PCDH15: variants seen among roughly 807,000 people sequenced by gnomAD.
The protein encoded by PCDH15 is protocadherin related 15, also known as protocadherin-15.
Under a neutral mutation model 178.5 loss-of-function variants are expected in PCDH15, and 129 were observed. That is an observed-to-expected ratio of 0.72 (90% confidence interval 0.63 to 0.84). The LOEUF is 0.84. PCDH15 is among the 40% of genes least tolerant of loss of function. The pLI, the probability that PCDH15 is intolerant of heterozygous loss-of-function variation, is 0.00. For missense variants in PCDH15, 2,230 were observed against 2,099.9 expected, an observed-to-expected ratio of 1.06 and a Z score of -1.21; for synonymous variants, 800 against 732.0, an observed-to-expected ratio of 1.09 and a Z score of -1.50.
intron 3 of PCDH15, among the ~76,000 whole-genome samples, chr10:54,415,253 A>C (rs1303352768): frequency 6.6e-6 from 1 of 152,020 alleles, no homozygotes; most frequent in Admixed American, 6.6e-5. Context: ...AAAGGGGTTC[A>C]AACTGTGCAA....
intron 1 of PCDH15, among the ~76,000 whole-genome samples, chr10:54,754,852 G>A (rs986699246): frequency 1.3e-5 from 2 of 150,872 alleles, no homozygotes; most frequent in Non-Finnish European, 2.9e-5. Context: ...GTTCTTTCCA[G>A]ATTCAAGCTA....
At chr10:55,302,218 T>C (rs1275317788) in intron 1 of PCDH15, among the ~76,000 whole-genome samples, 1 of 141,654 alleles carries the variant, frequency 7.1e-6, no homozygotes, top group Non-Finnish European at 1.5e-5. Flanking sequence ...TATTCCACTC[T>C]ATGAAAAAAG....
intron 2 of PCDH15, among the ~76,000 whole-genome samples, chr10:54,962,938 A>C (rs1453140404): frequency 6.6e-6 from 1 of 152,224 alleles, no homozygotes; most frequent in Non-Finnish European, 1.5e-5. Context: ...ATCCTGTGAC[A>C]GAACTGAACT....
intron 2 of PCDH15, among the ~76,000 whole-genome samples, chr10:54,647,845 T>G (rs1021841770): frequency 2.0e-5 from 3 of 152,110 alleles, no homozygotes; most frequent in African/African-American, 7.2e-5. Context: ...ATCATATTCT[T>G]CCACAACTAG....
At chr10:55,537,605 T>C (rs1267000313) in intron 2 of PCDH15, among the ~76,000 whole-genome samples, 2 of 152,054 alleles carry the variant, frequency 1.3e-5, no homozygotes, top group Admixed American at 6.6e-5. Context: ...CTGGCTAATT[T>C]TTGTATTTTT....
At chr10:55,230,730 T>G (rs954523262) in intron 1 of PCDH15, among the ~76,000 whole-genome samples, 2 of 151,994 alleles carry the variant, frequency 1.3e-5, no homozygotes, top group East Asian at 3.9e-4. Flanking sequence ...AGTAGAAAAT[T>G]TTATGCTCGA....
chr10:54,209,858 T>C (rs2134067009), intron 10 of PCDH15, among the ~76,000 whole-genome samples: 1 of 152,234 alleles, frequency 6.6e-6, no homozygotes, highest in East Asian at 1.9e-4. Flanking sequence ...ATTACTCAAA[T>C]AGTGACTAAA....
At chr10:54,795,261 C>T (rs551011228) in intron 1 of PCDH15, among the ~76,000 whole-genome samples, 15 of 151,774 alleles carry the variant, frequency 9.9e-5, no homozygotes, top group Admixed American at 2.0e-4. Flanking sequence ...AAAATTCCTA[C>T]CGCCTCTCTC....
chr10:55,569,043 T>C (rs1191478225), intron 2 of PCDH15, among the ~76,000 whole-genome samples: 2 of 152,032 alleles, frequency 1.3e-5, no homozygotes, highest in Non-Finnish European at 2.9e-5. Context: ...ATGTCCTCCT[T>C]TGAAGAGGCA....
intron 2 of PCDH15, among the ~76,000 whole-genome samples, chr10:54,971,643 A>G (rs1838934189): frequency 2.0e-5 from 3 of 152,220 alleles, no homozygotes; most frequent in Non-Finnish European, 4.4e-5. Flanking sequence ...TTGGCAAGAC[A>G]CAGACACTCT....
intron 1 of PCDH15, among the ~76,000 whole-genome samples, chr10:54,752,610 T>A (rs544551170): frequency 1.3e-5 from 2 of 151,922 alleles, no homozygotes; most frequent in East Asian, 3.8e-4. Context: ...AATCCCTGCA[T>A]GAATATATTC....
At chr10:54,771,187 A>AC (rs1255772549) in intron 1 of PCDH15, among the ~76,000 whole-genome samples, 1 of 151,780 alleles carries the variant, frequency 6.6e-6, no homozygotes, top group African/African-American at 2.4e-5. Flanking sequence ...CTGCTTTAAT[A>AC]CCCCCAATAT....
At chr10:54,710,098 T>G (rs1468188472) in intron 1 of PCDH15, among the ~76,000 whole-genome samples, 2 of 151,892 alleles carry the variant, frequency 1.3e-5, no homozygotes, top group Non-Finnish European at 2.9e-5. Flanking sequence ...GTGTCCTGCA[T>G]AAATGTAGCA....
intron 8 of PCDH15, among the ~76,000 whole-genome samples, chr10:54,300,373 C>T (rs191034277): frequency 6.6e-6 from 1 of 152,258 alleles, no homozygotes; most frequent in African/African-American, 2.4e-5. Flanking sequence ...AATTTGTTTC[C>T]TCTAGGATCA....
chr10:55,613,017 A>ATTTTT (rs34403286), intron 2 of PCDH15, among the ~76,000 whole-genome samples: 9 of 82,384 alleles, frequency 1.1e-4, no homozygotes, highest in African/African-American at 1.4e-4. Context: ...TACTAGCCAG[A>ATTTTT]TTTTTTTTTT....
At chr10:54,929,724 G>A (rs1182928765) in intron 2 of PCDH15, among the ~76,000 whole-genome samples, 3 of 152,092 alleles carry the variant, frequency 2.0e-5, no homozygotes, top group Admixed American at 2.0e-4. Context: ...TGGCTTTTCT[G>A]GAAAATATTA....
chr10:55,336,181 C>A, intron 2 of PCDH15, among the ~76,000 whole-genome samples: 1 of 136,786 alleles, frequency 7.3e-6, no homozygotes. Context: ...TTCTCTCTGA[C>A]TTTCTCCCTT....
chr10:55,170,794 A>C (rs1839312728), intron 1 of PCDH15, among the ~76,000 whole-genome samples: 1 of 152,118 alleles, frequency 6.6e-6, no homozygotes, highest in African/African-American at 2.4e-5. Context: ...AGGCAGGAGA[A>C]TTCCTTGAAC....
chr10:54,051,208 G>A (rs2093766238), intron 18 of PCDH15, among the ~76,000 whole-genome samples: 1 of 152,180 alleles, frequency 6.6e-6, no homozygotes, highest in Non-Finnish European at 1.5e-5. Context: ...CTGTAAAGAT[G>A]CCTGAAAATG....
Sources: allele counts gnomAD v4.1 joint callset (sites outside exome capture counted in the v4.1 genomes callset), GRCh38; gene constraint gnomAD v4.1.1; transcripts MANE v1.5; gene names NCBI Gene and HGNC (gene_info 2026-07-23, HGNC 2026-07-21).